The following PLOD2 variants were observed in gnomAD, a reference collection of about 807,000 sequenced individuals.
PLOD2 encodes lysine hydroxylase 2.
Under a neutral mutation model 101.0 loss-of-function variants are expected in PLOD2, and 65 were observed. That is an observed-to-expected ratio of 0.64 (90% CI 0.53 to 0.79). PLOD2 has a LOEUF of 0.79. Ranked by LOEUF, PLOD2 falls within the 30% of genes least tolerant of loss-of-function variation. The pLI is 0.00. For synonymous variants in PLOD2, 314 were observed against 302.9 expected, an observed-to-expected ratio of 1.04 and a Z score of -0.38; for missense variants, 909 against 914.6, an observed-to-expected ratio of 0.99 and a Z score of 0.08.
chr3:146,126,418 A>T (rs1019413575), intron 1 of PLOD2, among the ~76,000 whole-genome samples: 90 of 152,290 alleles, frequency 5.9e-4, no homozygotes, highest in Middle Eastern at 3.4e-3. Flanking sequence ...GAATTCAACC[A>T]TCTCACCATT....
intron 9 of PLOD2, among the ~76,000 whole-genome samples, chr3:146,088,057 A>G (rs1309073176): frequency 6.6e-6 from 1 of 151,702 alleles, no homozygotes; most frequent in African/African-American, 2.4e-5. Context: ...CTGAGGAAAA[A>G]TATTTTCAAG....
rs777436540 is a variant in PLOD2, at chr3:146,070,739, G to A, written c.2255C>T (p.Ala752Val). Reference protein sequence around the residue: ...LPVKNGTRYIAVSFIDP With the variant: ...LPVKNGTRYIVVSFIDP The stretch of plus-strand genomic sequence containing the variant: ...AACTTAGGGATCTATAAATGACACT[G>A]CAATGTATCTTGTTCCATTTTTAAC... Residue 752 changes from alanine (A) to valine (V), a missense_variant, in exon 20 of 20, where the codon GCA becomes GTA. Transcript: ENST00000282903. 6.2e-7 allele frequency: 1 copy of A among 1,606,082 alleles called. No individual in the cohort carries two copies. Among genetic ancestry groups the A allele is most frequent in the Non-Finnish European group, 8.5e-7 (1 of 1,173,554 alleles).
intron 13 of PLOD2, among the ~76,000 whole-genome samples, chr3:146,078,225 C>A (rs1936412402): frequency 6.6e-6 from 1 of 151,716 alleles, no homozygotes; most frequent in Admixed American, 6.6e-5. Context: ...TAAGAGAGGC[C>A]ATTCCATGAT....
chr3:146,069,641 C>T lies in PLOD2; in HGVS notation c.*1076G>A, dbSNP rs747357708. On this transcript the variant is annotated 3_prime_UTR_variant, in exon 20 of 20. Coordinates refer to ENST00000282903, the MANE Select transcript of PLOD2 (RefSeq NM_182943.3). Reference sequence around the variant, plus strand: ...TTTTGTTGGAGAATTTTTTTATAAGCGGGATAGAGGGAAGTTAACATAGAC... The same window carrying T: ...TTTTGTTGGAGAATTTTTTTATAAGTGGGATAGAGGGAAGTTAACATAGAC... The T allele has an allele frequency of 6.6e-6, 1 of 151,342 alleles. No individual in the cohort carries two copies. Among genetic ancestry groups the T allele is most frequent in the Non-Finnish European group, 1.5e-5 (1 of 67,684 alleles). 9.4% of individuals were successfully genotyped at this position (151,342 alleles called of 1,614,324 possible). A position where few individuals can be genotyped will look rare whatever the true frequency, so the allele number is the denominator to read the frequency against.
intron 1 of PLOD2, among the ~76,000 whole-genome samples, chr3:146,152,483 T>C (rs1408531924): frequency 2.0e-5 from 3 of 152,142 alleles, no homozygotes; most frequent in African/African-American, 7.2e-5. Context: ...TATGCTAATA[T>C]GTAATGTAAT....
At chr3:146,109,845 C>A (rs1937596584) in intron 4 of PLOD2, among the ~76,000 whole-genome samples, 1 of 151,940 alleles carries the variant, frequency 6.6e-6, no homozygotes. Context: ...TTATTTAATC[C>A]CATAATGTTT....
At chr3:146,097,226 C>T (rs1270322510) in intron 7 of PLOD2, among the ~76,000 whole-genome samples, 8 of 151,368 alleles carry the variant, frequency 5.3e-5, no homozygotes, top group East Asian at 4.0e-4. Context: ...AGGTGAGGGG[C>T]GCTTCTGCCG....
intron 1 of PLOD2, 95 bp from the exon 2 acceptor site, chr3:146,124,324 G>C (rs1322989495): frequency 8.4e-6 from 6 of 715,276 alleles, no homozygotes; most frequent in Non-Finnish European, 1.0e-5. Context: ...CACTAAACCC[G>C]TGGGAATATT....
At chr3:146,093,421 T>A (rs1453638773) in intron 7 of PLOD2, among the ~76,000 whole-genome samples, 5 of 152,210 alleles carry the variant, frequency 3.3e-5, no homozygotes, top group African/African-American at 1.2e-4. Context: ...CAAGAGTCAA[T>A]GTGGTCATTT....
intron 3 of PLOD2, among the ~76,000 whole-genome samples, chr3:146,119,712 G>A (rs1324374484): frequency 5.3e-5 from 8 of 151,812 alleles, no homozygotes; most frequent in Non-Finnish European, 1.0e-4. Flanking sequence ...TTGTCCTTGC[G>A]ATAGTTTGCT....
Position 146,124,208 on chromosome 3 carries a change from A to G in PLOD2, c.131T>C (p.Val44Ala), listed in dbSNP as rs1452200811. 9.5e-6 allele frequency: 15 copies of G among 1,583,868 alleles called. No individual in the cohort carries two copies. The highest frequency in any genetic ancestry group is 4.3e-6 in the Non-Finnish European group (5 of 1,153,392). ...IPTDKLLVITVATKESDGFHR... is the reference protein window; with the variant it reads ...IPTDKLLVITAATKESDGFHR... ...GAATCCATCACTTTCTTTTGTTGCT[A>G]CAGTTATGACTAATAATTTATCTGC... The change falls in exon 2 of 20, where the codon GTA (valine) becomes GCA (alanine). Residue 44 changes from valine to alanine, a missense_variant. Transcript: ENST00000282903.
intron 4 of PLOD2, among the ~76,000 whole-genome samples, chr3:146,107,940 G>A (rs575040040): frequency 4.0e-5 from 6 of 151,656 alleles, no homozygotes; most frequent in Non-Finnish European, 8.8e-5. Flanking sequence ...CACCATGCCT[G>A]GCATCAAATA....
chr3:146,136,743 A>T (rs2031251153), intron 1 of PLOD2, among the ~76,000 whole-genome samples: 1 of 152,214 alleles, frequency 6.6e-6, no homozygotes, highest in African/African-American at 2.4e-5. Context: ...CAACTACCTA[A>T]ATATTCGGTA....
intron 4 of PLOD2, among the ~76,000 whole-genome samples, chr3:146,108,439 T>C (rs924717264): frequency 1.3e-5 from 2 of 152,186 alleles, no homozygotes; most frequent in Non-Finnish European, 2.9e-5. Flanking sequence ...TGTCTAGGCC[T>C]CCCAAAGTGC....
intron 1 of PLOD2, among the ~76,000 whole-genome samples, chr3:146,142,895 C>T (rs931489634): frequency 5.9e-5 from 9 of 152,142 alleles, no homozygotes; most frequent in African/African-American, 2.2e-4. Flanking sequence ...CTCTCTGCAG[C>T]AGCACTGATC....
At chr3:146,091,680 C>T (rs1274724362) in intron 8 of PLOD2, 120 bp downstream of exon 8, 8 of 677,132 alleles carry the variant, frequency 1.2e-5, no homozygotes, top group Non-Finnish European at 2.2e-5. Flanking sequence ...ACACTATATC[C>T]CCATTATCTA....
At chr3:146,097,042 G>A (rs1365595147) in intron 7 of PLOD2, among the ~76,000 whole-genome samples, 2 of 148,380 alleles carry the variant, frequency 1.3e-5, no homozygotes. Context: ...CCGTCCGGGA[G>A]GTGAGGGGCT....
rs759493803 is a variant in PLOD2, at chr3:146,079,077, T to A, written c.1500+39A>T. On this transcript the variant is annotated intron_variant, in intron 13 of 19. Transcript: ENST00000282903. ...CACCAACTGGTAAAGCAAGCCATCT[T>A]ATAAGAACATTCAAGCAAGCCATCA... The A allele has an allele frequency of 4.4e-6, 7 of 1,601,768 alleles. No individual in the cohort carries two copies. In the South Asian group the frequency reaches 7.7e-5, roughly 18 times the overall value.
intron 1 of PLOD2, among the ~76,000 whole-genome samples, chr3:146,133,080 G>C (rs2031014669): frequency 6.6e-6 from 1 of 152,138 alleles, no homozygotes; most frequent in African/African-American, 2.4e-5. Context: ...GGAAGCTGAG[G>C]CAGGAGAATG....
Sources: gnomAD v4.1 joint callset for allele counts (sites outside exome capture counted in the v4.1 genomes callset) on GRCh38, gnomAD v4.1.1 for gene constraint, MANE v1.5 for transcripts, NCBI Gene and HGNC (gene_info 2026-07-23, HGNC 2026-07-21) for gene names.